Variants in RGS17 observed in about 807,000 individuals in gnomAD.
RGS17 encodes the protein regulator of G protein signaling 17.
Under a neutral mutation model 25.5 loss-of-function variants are expected in RGS17, and 12 were observed. That is an observed-to-expected ratio of 0.47 (90% confidence interval 0.30 to 0.76). RGS17 has a LOEUF of 0.76. RGS17 is among the 30% of genes least tolerant of loss of function. RGS17 has a pLI of 0.07. For synonymous variants in RGS17, 71 were observed against 76.9 expected (o/e 0.92, Z 0.40); for missense variants, 196 against 242.2 (o/e 0.81, Z 1.27).
In RGS17 at chr6:153,020,100, TAAAAA is replaced by T. The variant is rs57320874; in HGVS notation, c.444+4157_444+4161del. ...TGTCACCTCCTAATTGCAAATATCTTAAAAAAAAAAAATATATATATATATATATA... is the reference window on the plus strand; with the variant it reads ...TGTCACCTCCTAATTGCAAATATCTTAAAAAAATATATATATATATATATA... On this transcript the variant is annotated intron_variant, in intron 4 of 4. Coordinates refer to ENST00000206262, the MANE Select transcript of RGS17 (RefSeq NM_012419.5). 6.2e-3 allele frequency among the ~76,000 whole-genome samples: 279 copies of T among 44,712 alleles called. 11 individuals are homozygous for T. Among genetic ancestry groups the T allele is most frequent in the East Asian group, 0.026 (29 of 1,104 alleles). 29.3% of individuals were successfully genotyped at this position (44,712 alleles called of 152,430 possible). A position where few individuals can be genotyped will look rare whatever the true frequency, so the allele number is the denominator to read the frequency against.
intron 1 of RGS17, among the ~76,000 whole-genome samples, chr6:153,086,855 A>C (rs1430071826): frequency 6.6e-6 from 1 of 152,240 alleles, no homozygotes; most frequent in Non-Finnish European, 1.5e-5. Context: ...GCTAGCAGTA[A>C]TATTTCTTGA....
At chr6:153,076,090 A>T (rs1359292130) in intron 1 of RGS17, among the ~76,000 whole-genome samples, 2 of 152,100 alleles carry the variant, frequency 1.3e-5, no homozygotes, top group African/African-American at 4.8e-5. Context: ...ACACAAATAA[A>T]CCTTAATATA....
At chr6:153,012,292 C>T (rs1213341392) in intron 4 of RGS17, among the ~76,000 whole-genome samples, 1 of 152,136 alleles carries the variant, frequency 6.6e-6, no homozygotes, top group East Asian at 1.9e-4. Context: ...ATGCAATGAG[C>T]AGGTATGCTT....
rs969460904 is a variant in RGS17, at chr6:153,007,751, C to G, written c.*3823G>C. Reference sequence around the variant, plus strand: ...GGATTAAAGGCACCCACCACCATGCCCGGCTAATTTTGTATTTTTACTAGA... The same window carrying G: ...GGATTAAAGGCACCCACCACCATGCGCGGCTAATTTTGTATTTTTACTAGA... On this transcript the variant is annotated 3_prime_UTR_variant, in exon 5 of 5. Transcript: ENST00000206262. 1 of 152,020 alleles carries G rather than the reference C, an allele frequency of 6.6e-6. No homozygotes were observed. The highest frequency in any genetic ancestry group is 1.5e-5 in the Non-Finnish European group (1 of 68,028). The allele number at this position is 152,020 out of a possible 1,614,324, so 9.4% of individuals were successfully genotyped here.
chr6:153,056,195 A>C (rs929754843), intron 1 of RGS17, among the ~76,000 whole-genome samples: 2 of 152,218 alleles, frequency 1.3e-5, no homozygotes, highest in African/African-American at 4.8e-5. Context: ...TGCTCACTAC[A>C]ATTTAAGAAA....
intron 1 of RGS17, among the ~76,000 whole-genome samples, chr6:153,075,417 C>G (rs1005642214): frequency 1.3e-5 from 2 of 152,146 alleles, no homozygotes; most frequent in African/African-American, 4.8e-5. Flanking sequence ...CTGTGGGAGG[C>G]TGGGTGCCTC....
At chr6:153,115,211 C>T (rs1260904565) in intron 1 of RGS17, among the ~76,000 whole-genome samples, 1 of 152,198 alleles carries the variant, frequency 6.6e-6, no homozygotes, top group African/African-American at 2.4e-5. Flanking sequence ...TCTCCTTAAG[C>T]TGATAAGCAA....
intron 1 of RGS17, among the ~76,000 whole-genome samples, chr6:153,082,461 T>A (rs555885419): frequency 2.0e-5 from 3 of 152,254 alleles, no homozygotes; most frequent in African/African-American, 7.2e-5. Context: ...CACTAAATCT[T>A]CCATTTTTTC....
In RGS17 at chr6:153,008,311, G is replaced by A. The variant is rs932486765; in HGVS notation, c.*3263C>T. 6.2e-5 allele frequency: 8 copies of A among 129,772 alleles called. No homozygotes were observed. The highest frequency in any genetic ancestry group is 9.7e-5 in the Non-Finnish European group (6 of 61,576). 8.0% of individuals were successfully genotyped at this position (129,772 alleles called of 1,614,324 possible). On this transcript the variant is annotated 3_prime_UTR_variant, in exon 5 of 5. Coordinates refer to ENST00000206262, the MANE Select transcript of RGS17 (RefSeq NM_012419.5). ...GGCATATCAGAACTGGTCATTCTAT[G>A]TACATATTTTAAGATTTCAAAAAAA...
chr6:153,042,650 AATC>A (rs1776337219), intron 2 of RGS17, among the ~76,000 whole-genome samples: 1 of 152,214 alleles, frequency 6.6e-6, no homozygotes, highest in Admixed American at 6.5e-5. Context: ...TGTAACAAAG[AATC>A]ATCATCTGGG....
At chr6:153,116,544 T>C (rs970433499) in intron 1 of RGS17, among the ~76,000 whole-genome samples, 2 of 152,094 alleles carry the variant, frequency 1.3e-5, no homozygotes, top group African/African-American at 4.8e-5. Context: ...GGACCAGAAA[T>C]ACCATTTGAC....
At chr6:153,012,845 C>G (rs560341009) in intron 4 of RGS17, among the ~76,000 whole-genome samples, 14 of 152,316 alleles carry the variant, frequency 9.2e-5, no homozygotes, top group South Asian at 8.3e-4. Flanking sequence ...CACCACTGTT[C>G]AGACTAAGTC....
At chr6:153,109,125 T>C (rs897539234) in intron 1 of RGS17, among the ~76,000 whole-genome samples, 10 of 152,166 alleles carry the variant, frequency 6.6e-5, no homozygotes, top group African/African-American at 2.4e-4. Flanking sequence ...AGGAAGTAAA[T>C]GTAGTTTCTT....
chr6:153,081,244 C>T (rs1422286006), intron 1 of RGS17, among the ~76,000 whole-genome samples: 2 of 151,996 alleles, frequency 1.3e-5, no homozygotes, highest in African/African-American at 4.8e-5. Flanking sequence ...CCTGTCAGTT[C>T]TGTTAGTTTC....
chr6:153,070,726 T>C (rs1037920648), intron 1 of RGS17, among the ~76,000 whole-genome samples: 5 of 151,140 alleles, frequency 3.3e-5, no homozygotes, highest in South Asian at 4.2e-4. Flanking sequence ...TATACACATA[T>C]ACATATACAC....
At chr6:153,056,124 G>A (rs997584337) in intron 1 of RGS17, among the ~76,000 whole-genome samples, 1 of 152,130 alleles carries the variant, frequency 6.6e-6, no homozygotes, top group African/African-American at 2.4e-5. Flanking sequence ...ACAGAAATAC[G>A]TTTTCTAAAA....
chr6:153,078,507 ATTAC>A (rs1448117162), intron 1 of RGS17, among the ~76,000 whole-genome samples: 3 of 151,964 alleles, frequency 2.0e-5, no homozygotes, highest in Non-Finnish European at 4.4e-5. Context: ...AAAATATTTT[ATTAC>A]TTATAAAATA....
chr6:153,028,186 G>C (rs1779323895), intron 2 of RGS17, among the ~76,000 whole-genome samples: 1 of 152,170 alleles, frequency 6.6e-6, no homozygotes, highest in African/African-American at 2.4e-5. Flanking sequence ...AATACATTGA[G>C]TTTGCCTCTA....
chr6:153,041,182 AAAT>A (rs1471899992), intron 2 of RGS17, among the ~76,000 whole-genome samples: 1 of 152,102 alleles, frequency 6.6e-6, no homozygotes, highest in Admixed American at 6.6e-5. Flanking sequence ...ATAAATAAAT[AAAT>A]AATAATCAAG....
Sources: gnomAD v4.1 joint callset for allele counts (sites outside exome capture counted in the v4.1 genomes callset) on GRCh38, gnomAD v4.1.1 for gene constraint, MANE v1.5 for transcripts, NCBI Gene and HGNC (gene_info 2026-07-23, HGNC 2026-07-21) for gene names.